The following PARP15 variants were observed in gnomAD, a reference collection of about 807,000 sequenced individuals.
PARP15 encodes poly(ADP-ribose) polymerase family member 15, also known as protein mono-ADP-ribosyltransferase PARP15.
A neutral mutation model predicts 62.1 loss-of-function variants in PARP15; 50 were observed. That is an observed-to-expected ratio of 0.81 (90% CI 0.64 to 1.02). PARP15 has a LOEUF of 1.02. Ranked by LOEUF, PARP15 falls within the 50% of genes least tolerant of loss-of-function variation. The pLI, the probability that PARP15 is intolerant of heterozygous loss-of-function variation, is 0.00. For missense variants in PARP15, 820 were observed against 826.5 expected (o/e 0.99, Z 0.10); for synonymous variants, 309 against 293.1 (o/e 1.05, Z -0.55).
chr3:122,610,107 A>T (rs1935454302), intron 2 of PARP15, among the ~76,000 whole-genome samples: 2 of 151,984 alleles, frequency 1.3e-5, no homozygotes, highest in African/African-American at 4.8e-5. Context: ...TCTCTGTCTC[A>T]ATCTTTCTGT....
chr3:122,604,072 T>C (rs1002293059), intron 1 of PARP15, among the ~76,000 whole-genome samples: 2 of 152,174 alleles, frequency 1.3e-5, no homozygotes, highest in African/African-American at 4.8e-5. Flanking sequence ...TGTACTATAT[T>C]TTTACCATTT....
chr3:122,633,021 C>T (rs149586050), intron 10 of PARP15, among the ~76,000 whole-genome samples: 2 of 152,304 alleles, frequency 1.3e-5, no homozygotes, highest in African/African-American at 4.8e-5. Flanking sequence ...TGTATCAGAA[C>T]AGGGTGTAGC....
At chr3:122,583,114 C>CTTTTTTTTTTTTTTTT (rs67942585) in intron 1 of PARP15, among the ~76,000 whole-genome samples, 4 of 83,486 alleles carry the variant, frequency 4.8e-5, no homozygotes, top group Non-Finnish European at 8.7e-5. Flanking sequence ...TCATCTGTAT[C>CTTTTTTTTTTTTTTTT]TTTTTTTTTT....
intron 1 of PARP15, among the ~76,000 whole-genome samples, chr3:122,599,557 T>C (rs1394254863): frequency 6.6e-6 from 1 of 151,616 alleles, no homozygotes; most frequent in Admixed American, 6.6e-5. Context: ...TCTTTCTTTC[T>C]TTTTCTTTCC....
At chr3:122,594,463 T>TTACA in intron 1 of PARP15, 5 of 760,194 alleles carry the variant, frequency 6.6e-6, no homozygotes, top group Non-Finnish European at 8.0e-6. Flanking sequence ...ATGTCCTTGA[T>TTACA]TACACTTGGA....
intron 6 of PARP15, among the ~76,000 whole-genome samples, chr3:122,619,217 A>G (rs1362138254): frequency 6.6e-6 from 1 of 152,188 alleles, no homozygotes; most frequent in Non-Finnish European, 1.5e-5. Context: ...CATACTAGCT[A>G]GTAAATACTG....
rs1937485220 is a variant in PARP15 at position 122,638,780 on chromosome 3, G to C, written c.*2680G>C. The C allele has an allele frequency of 6.6e-6, 1 of 152,008 alleles. No individual in the cohort carries two copies. The highest frequency in any genetic ancestry group is 2.1e-4 in the South Asian group (1 of 4,824). The allele number at this position is 152,008 out of a possible 1,614,324, so 9.4% of individuals were successfully genotyped here. Reference sequence around the variant, plus strand: ...GTTCACTCTGATGGTAGTTTCTTTTGTTGTACAGAAGCTCTTTAGTTTAAT... The same window carrying C: ...GTTCACTCTGATGGTAGTTTCTTTTCTTGTACAGAAGCTCTTTAGTTTAAT... On this transcript the variant is annotated 3_prime_UTR_variant, in exon 12 of 12. Transcript: ENST00000464300.
intron 1 of PARP15, among the ~76,000 whole-genome samples, chr3:122,580,039 A>ACG (rs2080771903): frequency 7.4e-6 from 1 of 135,666 alleles, no homozygotes; most frequent in Non-Finnish European, 1.6e-5. Flanking sequence ...ATATATATGC[A>ACG]CGCGCGCACA....
rs1239089133 is a variant in PARP15, at chr3:122,632,229, T to A, written c.1572+10T>A. The stretch of plus-strand genomic sequence containing the variant: ...CTACGCAATAGAGAAGGTAATACTG[T>A]GTTAAAATTTACTGTTCAAAAATGT... On this transcript the variant is annotated intron_variant, in intron 10 of 11. Transcript: ENST00000464300. The A allele has an allele frequency of 1.9e-6, 3 of 1,607,716 alleles. No homozygotes were observed. Among genetic ancestry groups the A allele is most frequent in the Non-Finnish European group, 2.5e-6 (3 of 1,177,644 alleles).
chr3:122,595,181 G>A (rs978984865), intron 1 of PARP15, among the ~76,000 whole-genome samples: 3 of 150,510 alleles, frequency 2.0e-5, no homozygotes, highest in Non-Finnish European at 4.4e-5. Context: ...TTTTTTTTTC[G>A]CAGTAACAAA....
intron 6 of PARP15, 82 bp from the exon 7 acceptor site, chr3:122,619,699 G>A: frequency 1.7e-6 from 2 of 1,204,682 alleles, no homozygotes; most frequent in Non-Finnish European, 2.5e-6. Context: ...AGGGTGAGTT[G>A]AGCAGAAGTC....
chr3:122,584,103 C>G (rs375226734), intron 1 of PARP15, among the ~76,000 whole-genome samples: 24 of 152,330 alleles, frequency 1.6e-4, no homozygotes, highest in African/African-American at 5.3e-4. Context: ...CAAGGAATCA[C>G]TGTCCCATAT....
chr3:122,594,192 A>G (rs1934161804), intron 1 of PARP15, among the ~76,000 whole-genome samples: 1 of 152,170 alleles, frequency 6.6e-6, no homozygotes, highest in Non-Finnish European at 1.5e-5. Flanking sequence ...GTGAAGCTAT[A>G]TGACATGGCT....
intron 1 of PARP15, among the ~76,000 whole-genome samples, chr3:122,598,720 A>G (rs1432415376): frequency 6.6e-6 from 1 of 152,140 alleles, no homozygotes; most frequent in African/African-American, 2.4e-5. Flanking sequence ...CAAAGGCTCA[A>G]TGACCAGGAA....
At chr3:122,634,008 C>G (rs985067049) in intron 10 of PARP15, among the ~76,000 whole-genome samples, 41 of 152,318 alleles carry the variant, frequency 2.7e-4, no homozygotes, top group Admixed American at 1.0e-3. Context: ...CCCCCTCACA[C>G]ATTCCCCATT....
At chr3:122,585,642 A>G (rs1933365470) in intron 1 of PARP15, among the ~76,000 whole-genome samples, 2 of 152,198 alleles carry the variant, frequency 1.3e-5, no homozygotes, top group Admixed American at 6.5e-5. Context: ...CTGAAAAACA[A>G]CTTACAACTT....
At chr3:122,626,748 A>G (rs1936751867) in intron 8 of PARP15, 79 bp from the exon 9 acceptor site, 2 of 1,295,086 alleles carry the variant, frequency 1.5e-6, no homozygotes, top group Non-Finnish European at 1.1e-6. Flanking sequence ...GTTTCTCAGC[A>G]CTGAGAACTG....
At chr3:122,600,434 T>C (rs1467329652) in intron 1 of PARP15, among the ~76,000 whole-genome samples, 1 of 152,144 alleles carries the variant, frequency 6.6e-6, no homozygotes, top group Non-Finnish European at 1.5e-5. Context: ...TTACTATAGC[T>C]GTACATACCA....
At chr3:122,599,308 C>G (rs1424994989) in intron 1 of PARP15, among the ~76,000 whole-genome samples, 1 of 151,768 alleles carries the variant, frequency 6.6e-6, no homozygotes, top group African/African-American at 2.4e-5. Flanking sequence ...GAGGCTGAGG[C>G]TGCAGTGAGC....
Sources: allele counts gnomAD v4.1 joint callset (sites outside exome capture counted in the v4.1 genomes callset), GRCh38; gene constraint gnomAD v4.1.1; transcripts MANE v1.5; gene names NCBI Gene and HGNC (gene_info 2026-07-23, HGNC 2026-07-21).